The following ARHGAP10 variants were observed in gnomAD, a reference collection of about 807,000 sequenced individuals.
ARHGAP10 encodes the protein rho GTPase-activating protein 10.
In ARHGAP10, 87 loss-of-function variants were observed where a neutral mutation model predicts 108.6. The observed-to-expected ratio is 0.80, with a 90% CI of 0.67 to 0.96. The LOEUF (loss-of-function observed/expected upper bound fraction) is 0.96. Among genes scored for constraint, ARHGAP10 ranks in the 40% least tolerant of loss-of-function variants. The probability of loss-of-function intolerance (pLI) is 0.00; values close to 1 mark genes in which losing one functional copy is unlikely to be tolerated. For synonymous variants in ARHGAP10, 347 were observed against 341.1 expected (o/e 1.02, Z -0.19); for missense variants, 939 against 954.5 (o/e 0.98, Z 0.21).
intron 22 of ARHGAP10, among the ~76,000 whole-genome samples, chr4:148,067,651 C>A (rs1729955128): frequency 6.6e-6 from 1 of 152,248 alleles, no homozygotes; most frequent in Non-Finnish European, 1.5e-5. Context: ...CAGTGCAATT[C>A]CTTTTTGTAC....
chr4:148,037,064 C>T (rs1475109289), intron 19 of ARHGAP10, among the ~76,000 whole-genome samples: 1 of 152,174 alleles, frequency 6.6e-6, no homozygotes, highest in Non-Finnish European at 1.5e-5. Flanking sequence ...TTTTCAGTTT[C>T]CCTCAGTCTT....
chr4:147,991,546 A>G (rs764131343), intron 18 of ARHGAP10, among the ~76,000 whole-genome samples: 1 of 152,222 alleles, frequency 6.6e-6, no homozygotes, highest in South Asian at 2.1e-4. Context: ...GGAGATAGTC[A>G]CATGCGCATC....
intron 1 of ARHGAP10, among the ~76,000 whole-genome samples, chr4:147,743,780 A>C (rs1004614048): frequency 1.3e-5 from 2 of 152,244 alleles, no homozygotes; most frequent in African/African-American, 4.8e-5. Flanking sequence ...TCCTTCTCAA[A>C]AAAATAAATA....
intron 5 of ARHGAP10, among the ~76,000 whole-genome samples, chr4:147,859,810 T>C (rs1282465200): frequency 1.3e-5 from 2 of 152,220 alleles, no homozygotes; most frequent in African/African-American, 4.8e-5. Flanking sequence ...GTCCCAAGGA[T>C]AATTAACCTC....
chr4:148,026,144 T>G (rs188950567), intron 19 of ARHGAP10, among the ~76,000 whole-genome samples: 1 of 152,328 alleles, frequency 6.6e-6, no homozygotes, highest in East Asian at 1.9e-4. Flanking sequence ...ATTTGGTATT[T>G]GAGTGAAGTG....
At chr4:147,743,373 C>A (rs1017933897) in intron 1 of ARHGAP10, among the ~76,000 whole-genome samples, 1 of 152,102 alleles carries the variant, frequency 6.6e-6, no homozygotes, top group South Asian at 2.1e-4. Context: ...TCAAAGGCAG[C>A]ACAGCAAACA....
chr4:147,983,182 GCTTTGT>G (rs1187921503), intron 18 of ARHGAP10, among the ~76,000 whole-genome samples: 2 of 118,070 alleles, frequency 1.7e-5, no homozygotes, highest in African/African-American at 6.0e-5. Flanking sequence ...GTGCCTGGCT[GCTTTGT>G]TTTTTTTTTT....
At chr4:147,912,552 T>TAGATATATATATAG in intron 12 of ARHGAP10, among the ~76,000 whole-genome samples, 1 of 228 alleles carries the variant, frequency 4.4e-3, no homozygotes, top group African/African-American at 5.7e-3. Flanking sequence ...CAAACAAATA[T>TAGATATATATATAG]ATATATATAT....
intron 1 of ARHGAP10, among the ~76,000 whole-genome samples, chr4:147,780,305 A>G (rs894710673): frequency 1.3e-5 from 2 of 152,068 alleles, no homozygotes; most frequent in African/African-American, 4.8e-5. Flanking sequence ...GAGTTAGGTG[A>G]CAGATTCTGC....
intron 1 of ARHGAP10, among the ~76,000 whole-genome samples, chr4:147,740,840 C>A (rs2126678850): frequency 6.6e-6 from 1 of 152,240 alleles, no homozygotes; most frequent in South Asian, 2.1e-4. Flanking sequence ...ATTTATTTTT[C>A]CCCCTCCCCC....
At chr4:147,838,116 TG>T (rs1178238433) in intron 3 of ARHGAP10, among the ~76,000 whole-genome samples, 1 of 152,196 alleles carries the variant, frequency 6.6e-6, no homozygotes, top group East Asian at 1.9e-4. Flanking sequence ...TCCCAGCTCT[TG>T]GCACCTTTGA....
intron 15 of ARHGAP10, among the ~76,000 whole-genome samples, chr4:147,949,842 C>CT (rs5862825): frequency 0.75 from 114,250 of 152,008 alleles, 46,981 homozygotes; most frequent in Non-Finnish European, 0.93. Context: ...AAATTGCATT[C>CT]TTTTTTCCTC....
At chr4:147,834,680 C>G (rs996454064) in intron 3 of ARHGAP10, among the ~76,000 whole-genome samples, 107 of 151,750 alleles carry the variant, frequency 7.1e-4, no homozygotes, top group African/African-American at 2.5e-3. Flanking sequence ...ACACATCCAC[C>G]CACCCACACT....
rs142445556 is a variant in ARHGAP10, at chr4:147,963,477, C to T, written c.1451-1547C>T. ...GTCACTTCTTTGACGCCTGTGAAAA[C>T]TAGCAAAATCTTCAACAACAAACAT... On this transcript the variant is annotated intron_variant, in intron 16 of 22. Transcript: ENST00000336498. Among the ~76,000 whole-genome samples the T allele has an allele frequency of 1.6e-4, 24 of 152,310 alleles. No individual in the cohort carries two copies. In the East Asian group the frequency reaches 4.2e-3, roughly 27 times the overall value.
At chr4:147,737,544 A>T (rs773209526) in intron 1 of ARHGAP10, among the ~76,000 whole-genome samples, 2 of 152,212 alleles carry the variant, frequency 1.3e-5, no homozygotes, top group Non-Finnish European at 2.9e-5. Flanking sequence ...CAGAAAATAA[A>T]ATGCTATTTT....
At chr4:147,946,770 C>A in intron 15 of ARHGAP10, 66 bp downstream of exon 15, 2 of 1,179,446 alleles carry the variant, frequency 1.7e-6, no homozygotes, top group South Asian at 2.0e-5. Context: ...AAACAGATGC[C>A]AATTGTGTAC....
chr4:147,858,779 C>T (rs1028461272), intron 5 of ARHGAP10, among the ~76,000 whole-genome samples: 2 of 152,300 alleles, frequency 1.3e-5, no homozygotes, highest in Admixed American at 1.3e-4. Context: ...TTTGCTCTCA[C>T]CTCCATTTTC....
chr4:147,913,166 T>C, intron 13 of ARHGAP10, 27 bp downstream of exon 13: 1 of 1,595,662 alleles, frequency 6.3e-7, no homozygotes, highest in Non-Finnish European at 8.6e-7. Flanking sequence ...ATTTCATTCA[T>C]GAGAGGCTAT....
rs143701070 is a variant in ARHGAP10 at position 147,933,249 on chromosome 4, G to A, written c.1229-6576G>A. On this transcript the variant is annotated intron_variant, in intron 13 of 22. Coordinates refer to ENST00000336498, the MANE Select transcript of ARHGAP10 (RefSeq NM_024605.4). Reference sequence around the variant, plus strand: ...TTTATTTTTTTAGGGACAAGGTTTTGCTATGTTGCCCAGGATGGAGCCCAG... The same window carrying A: ...TTTATTTTTTTAGGGACAAGGTTTTACTATGTTGCCCAGGATGGAGCCCAG... Among the ~76,000 whole-genome samples the A allele has an allele frequency of 1.6e-3, 247 of 152,164 alleles. 1 individual carries two copies. The highest frequency in any genetic ancestry group is 5.5e-3 in the African/African-American group (227 of 41,498).
Sources: gnomAD v4.1 joint callset for allele counts (sites outside exome capture counted in the v4.1 genomes callset) on GRCh38, gnomAD v4.1.1 for gene constraint, MANE v1.5 for transcripts, NCBI Gene and HGNC (gene_info 2026-07-23, HGNC 2026-07-21) for gene names.